Variants in BMP6 observed in about 807,000 individuals in gnomAD.
The protein encoded by BMP6 is VG-1-R.
BMP6 carries 17 observed loss-of-function variants against 54.1 expected under a neutral mutation model. That is an observed-to-expected ratio of 0.31 (90% CI 0.22 to 0.47). BMP6 has a LOEUF of 0.47. BMP6 is among the 20% of genes least tolerant of loss of function. The pLI is 1.00. For synonymous variants in BMP6, 328 were observed against 291.2 expected, an observed-to-expected ratio of 1.13 and a Z score of -1.28; for missense variants, 720 against 690.4, an observed-to-expected ratio of 1.04 and a Z score of -0.48.
rs1421984201 is a variant in BMP6 at position 7,880,869 on chromosome 6, G to A, written c.*526G>A. On this transcript the variant is annotated 3_prime_UTR_variant, in exon 7 of 7. Coordinates refer to ENST00000283147, the MANE Select transcript of BMP6 (RefSeq NM_001718.6). ...GACGCACAGCCCAGGCCACAGCCAG[G>A]GCTCCACGGGGCGCCCTTGTCTCAG... is the stretch of plus-strand genomic sequence containing the variant. 1 of 155,518 alleles carries A rather than the reference G, an allele frequency of 6.4e-6. No individual in the cohort carries two copies. Among genetic ancestry groups the A allele is most frequent in the African/African-American group, 2.4e-5 (1 of 41,452 alleles). The allele number at this position is 155,518 out of a possible 1,614,324, so 9.6% of individuals were successfully genotyped here. A position where few individuals can be genotyped will look rare whatever the true frequency, so the allele number is the denominator to read the frequency against.
chr6:7,780,318 C>T (rs750098099), intron 1 of BMP6, among the ~76,000 whole-genome samples: 14 of 151,938 alleles, frequency 9.2e-5, no homozygotes, highest in Non-Finnish European at 2.1e-4. Context: ...AAGGCCGAGG[C>T]GGGTGGATCA....
intron 1 of BMP6, among the ~76,000 whole-genome samples, chr6:7,791,371 A>G (rs1758104496): frequency 6.6e-6 from 1 of 152,106 alleles, no homozygotes; most frequent in African/African-American, 2.4e-5. Flanking sequence ...TCTCATTGCC[A>G]CATCTTCTTC....
chr6:7,832,648 G>A (rs551834287), intron 1 of BMP6, among the ~76,000 whole-genome samples: 13 of 151,556 alleles, frequency 8.6e-5, no homozygotes, highest in African/African-American at 1.7e-4. Context: ...ACATGCTTAC[G>A]AAGAGTTTGT....
intron 1 of BMP6, among the ~76,000 whole-genome samples, chr6:7,768,263 C>T (rs1335227588): frequency 2.6e-5 from 4 of 152,152 alleles, no homozygotes; most frequent in Non-Finnish European, 5.9e-5. Context: ...GGACCTGGTC[C>T]AGCTCCTGGA....
intron 1 of BMP6, among the ~76,000 whole-genome samples, chr6:7,826,332 T>C (rs1758697905): frequency 6.6e-6 from 1 of 152,188 alleles, no homozygotes; most frequent in Non-Finnish European, 1.5e-5. Flanking sequence ...ACACCTTTGA[T>C]GTATTGATCT....
intron 1 of BMP6, among the ~76,000 whole-genome samples, chr6:7,729,386 G>A (rs1345345877): frequency 1.3e-5 from 2 of 151,210 alleles, no homozygotes; most frequent in Non-Finnish European, 2.9e-5. Context: ...TGCCTCTTGG[G>A]GGTAGTCCTA....
chr6:7,755,784 G>A (rs1275489261), intron 1 of BMP6, among the ~76,000 whole-genome samples: 1 of 151,988 alleles, frequency 6.6e-6, no homozygotes, highest in South Asian at 2.1e-4. Context: ...TTCTCTATCT[G>A]TGTTGTGGAA....
intron 1 of BMP6, among the ~76,000 whole-genome samples, chr6:7,832,912 A>G (rs2113237897): frequency 6.6e-6 from 1 of 151,644 alleles, no homozygotes; most frequent in South Asian, 2.1e-4. Flanking sequence ...AAGACCTTCA[A>G]AGGTAGAGTT....
At chr6:7,732,048 CATAA>C (rs759707254) in intron 1 of BMP6, among the ~76,000 whole-genome samples, 3 of 152,208 alleles carry the variant, frequency 2.0e-5, no homozygotes, top group South Asian at 2.1e-4. Context: ...TCTTGGGAAA[CATAA>C]ATAAGAAGAA....
intron 1 of BMP6, among the ~76,000 whole-genome samples, chr6:7,739,491 A>C (rs1453917428): frequency 6.6e-6 from 1 of 152,192 alleles, no homozygotes; most frequent in East Asian, 1.9e-4. Flanking sequence ...TTATCTCAGC[A>C]AGGCAAATAC....
At chr6:7,746,427 C>T (rs969326088) in intron 1 of BMP6, among the ~76,000 whole-genome samples, 2 of 152,130 alleles carry the variant, frequency 1.3e-5, no homozygotes, top group African/African-American at 4.8e-5. Context: ...GGCATTTTTG[C>T]AATTGTCTAG....
chr6:7,749,074 G>A (rs1429619375), intron 1 of BMP6, among the ~76,000 whole-genome samples: 1 of 152,202 alleles, frequency 6.6e-6, no homozygotes, highest in Admixed American at 6.5e-5. Context: ...GCGCTTTCCT[G>A]CAGATTTCCA....
chr6:7,773,706 C>T (rs972619967), intron 1 of BMP6, among the ~76,000 whole-genome samples: 9 of 152,206 alleles, frequency 5.9e-5, no homozygotes, highest in Admixed American at 5.9e-4. Flanking sequence ...TTTAAATATT[C>T]TAAGGGAAGC....
intron 1 of BMP6, among the ~76,000 whole-genome samples, chr6:7,832,127 G>A (rs1317053535): frequency 6.6e-6 from 1 of 152,122 alleles, no homozygotes; most frequent in Non-Finnish European, 1.5e-5. Context: ...CTAGAGTTGA[G>A]GGTACTAAAA....
In BMP6 at chr6:7,730,595, A is replaced by G. The variant is rs1037313971; in HGVS notation, c.664+2976A>G. 3.9e-5 allele frequency among the ~76,000 whole-genome samples: 6 copies of G among 152,222 alleles called. No individual in the cohort carries two copies. The East Asian group carries it at 7.7e-4, about 20-fold the overall frequency. ...AAGCAATTCTATTTCATCTTAATCC[A>G]TGTAGCAATAGGAAAGGGGTATTTC... is the stretch of plus-strand genomic sequence containing the variant. On this transcript the variant is annotated intron_variant, in intron 1 of 6. Transcript: ENST00000283147.
At chr6:7,774,437 C>T (rs1268151959) in intron 1 of BMP6, among the ~76,000 whole-genome samples, 1 of 152,258 alleles carries the variant, frequency 6.6e-6, no homozygotes, top group Non-Finnish European at 1.5e-5. Context: ...GTAATCCCAG[C>T]TACTCAGAAG....
At chr6:7,805,808 C>T (rs1440586903) in intron 1 of BMP6, among the ~76,000 whole-genome samples, 1 of 152,156 alleles carries the variant, frequency 6.6e-6, no homozygotes, top group Non-Finnish European at 1.5e-5. Flanking sequence ...TACTCTAGCA[C>T]AGAAATCAAA....
chr6:7,859,232 C>T (rs1367760080), intron 2 of BMP6, among the ~76,000 whole-genome samples: 1 of 152,176 alleles, frequency 6.6e-6, no homozygotes, highest in Non-Finnish European at 1.5e-5. Context: ...CCCACATTCT[C>T]TTGGACGAGG....
chr6:7,804,225 C>G (rs1195466955), intron 1 of BMP6, among the ~76,000 whole-genome samples: 1 of 152,092 alleles, frequency 6.6e-6, no homozygotes, highest in African/African-American at 2.4e-5. Flanking sequence ...AGGATTATCC[C>G]ACACTGTAAA....
Sources: allele counts gnomAD v4.1 joint callset (sites outside exome capture counted in the v4.1 genomes callset), GRCh38; gene constraint gnomAD v4.1.1; transcripts MANE v1.5; gene names NCBI Gene and HGNC (gene_info 2026-07-23, HGNC 2026-07-21).